The following ZSWIM6 variants were observed in gnomAD, a reference collection of about 807,000 sequenced individuals.
ZSWIM6 encodes zinc finger SWIM-type containing 6, also known as zinc finger SWIM domain-containing protein 6.
Under a neutral mutation model 113.2 loss-of-function variants are expected in ZSWIM6, and 9 were observed. The observed-to-expected ratio is 0.08, with a 90% CI of 0.05 to 0.14. The LOEUF is 0.14. ZSWIM6 is among the 10% of genes least tolerant of loss of function. The pLI is 1.00. For synonymous variants in ZSWIM6, 611 were observed against 606.5 expected (o/e 1.01, Z -0.11); for missense variants, 1,162 against 1,552.2 (o/e 0.75, Z 4.22).
chr5:61,478,280 A>G (rs1375644649), intron 2 of ZSWIM6, among the ~76,000 whole-genome samples: 1 of 152,176 alleles, frequency 6.6e-6, no homozygotes, highest in African/African-American at 2.4e-5. Flanking sequence ...ATAAAAGAAG[A>G]ATTCATGTAG....
At chr5:61,415,571 G>C (rs185714053) in intron 1 of ZSWIM6, among the ~76,000 whole-genome samples, 1 of 149,268 alleles carries the variant, frequency 6.7e-6, no homozygotes, top group Non-Finnish European at 1.5e-5. Context: ...CAGCCTGGGC[G>C]ACAGAGTGAG....
chr5:61,364,785 A>G (rs956453514), intron 1 of ZSWIM6, among the ~76,000 whole-genome samples: 2 of 152,130 alleles, frequency 1.3e-5, no homozygotes, highest in African/African-American at 4.8e-5. Context: ...AAGGACACTA[A>G]TCCCATTCAT....
intron 4 of ZSWIM6, among the ~76,000 whole-genome samples, chr5:61,500,330 G>A (rs1382245036): frequency 6.6e-6 from 1 of 151,868 alleles, no homozygotes; most frequent in South Asian, 2.1e-4. Flanking sequence ...GTTTCACTAC[G>A]TTAACCAGGC....
chr5:61,357,300 G>A (rs1245944581), intron 1 of ZSWIM6, among the ~76,000 whole-genome samples: 1 of 152,118 alleles, frequency 6.6e-6, no homozygotes, highest in Non-Finnish European at 1.5e-5. Flanking sequence ...AATGATGAGG[G>A]CTTTTAAAGC....
At chr5:61,461,732 G>T (rs1408211698) in intron 1 of ZSWIM6, among the ~76,000 whole-genome samples, 1 of 152,102 alleles carries the variant, frequency 6.6e-6, no homozygotes, top group Non-Finnish European at 1.5e-5. Context: ...AACAGTGAAA[G>T]CAGTTTTTTT....
At chr5:61,400,638 G>A (rs1009055407) in intron 1 of ZSWIM6, among the ~76,000 whole-genome samples, 1 of 152,180 alleles carries the variant, frequency 6.6e-6, no homozygotes, top group Non-Finnish European at 1.5e-5. Context: ...CCTTGGCAGT[G>A]CTTTATATTT....
chr5:61,419,411 A>T (rs1309185869), intron 1 of ZSWIM6, among the ~76,000 whole-genome samples: 1 of 152,126 alleles, frequency 6.6e-6, no homozygotes, highest in Admixed American at 6.5e-5. Flanking sequence ...GCTCACTATT[A>T]AGTTGATTTT....
intron 4 of ZSWIM6, among the ~76,000 whole-genome samples, chr5:61,502,043 G>T (rs1392077030): frequency 6.6e-6 from 1 of 152,150 alleles, no homozygotes; most frequent in African/African-American, 2.4e-5. Flanking sequence ...TAGGGTGGAG[G>T]GGGAGAGCGA....
At chr5:61,477,662 C>T (rs1392574514) in intron 2 of ZSWIM6, among the ~76,000 whole-genome samples, 1 of 152,180 alleles carries the variant, frequency 6.6e-6, no homozygotes, top group East Asian at 1.9e-4. Context: ...GTATATCAGT[C>T]TATTCAGACT....
At chr5:61,484,907 C>G (rs1672681253) in intron 2 of ZSWIM6, among the ~76,000 whole-genome samples, 1 of 152,110 alleles carries the variant, frequency 6.6e-6, no homozygotes, top group Non-Finnish European at 1.5e-5. Flanking sequence ...CAAGTCATAA[C>G]CAACTTGGAA....
At chr5:61,513,640 G>A (rs987851046) in intron 4 of ZSWIM6, among the ~76,000 whole-genome samples, 1 of 151,778 alleles carries the variant, frequency 6.6e-6, no homozygotes, top group African/African-American at 2.4e-5. Context: ...TCCACTTTGA[G>A]TTTTTTTATA....
intron 5 of ZSWIM6, among the ~76,000 whole-genome samples, chr5:61,524,226 G>A (rs894739690): frequency 3.3e-5 from 5 of 152,050 alleles, no homozygotes; most frequent in Non-Finnish European, 5.9e-5. Flanking sequence ...ATTCTGCTCA[G>A]CAAAAAGCCC....
rs1048857987 is a variant in ZSWIM6, at chr5:61,531,683, C to A, written c.2203C>A (p.Leu735Met). Reference protein sequence around the residue: ...KLQEIELDDTLVKIFRKQAVF... With the variant: ...KLQEIELDDTMVKIFRKQAVF... ...TCAGGAAATTGAATTGGATGACACA[C>A]TGGTGAAAATTTTTCGCAAGCAAGC... The change falls in exon 9 of 14, where the codon CTG (leucine) becomes ATG (methionine). Residue 735 changes from leucine (L) to methionine (M), a missense_variant. Coordinates refer to ENST00000252744, the MANE Select transcript of ZSWIM6 (RefSeq NM_020928.2). The A allele has an allele frequency of 9.0e-6, 14 of 1,551,584 alleles. No individual in the cohort carries two copies. The Admixed American group carries it at 2.5e-4, about 28-fold the overall frequency.
At chr5:61,487,241 A>T (rs980391570) in intron 2 of ZSWIM6, among the ~76,000 whole-genome samples, 1 of 151,944 alleles carries the variant, frequency 6.6e-6, no homozygotes, top group African/African-American at 2.4e-5. Flanking sequence ...GTTATGTTTC[A>T]TTGGTCTATG....
At chr5:61,461,854 T>C (rs1207566231) in intron 1 of ZSWIM6, among the ~76,000 whole-genome samples, 2 of 152,108 alleles carry the variant, frequency 1.3e-5, no homozygotes, top group East Asian at 1.9e-4. Flanking sequence ...CTCCAAGATA[T>C]GGGTGGTAAT....
At chr5:61,389,913 A>T (rs1745669421) in intron 1 of ZSWIM6, among the ~76,000 whole-genome samples, 1 of 152,252 alleles carries the variant, frequency 6.6e-6, no homozygotes, top group South Asian at 2.1e-4. Flanking sequence ...GAATAAAAAA[A>T]GCAGGTTCTC....
intron 1 of ZSWIM6, among the ~76,000 whole-genome samples, chr5:61,433,953 T>C (rs1746640850): frequency 6.7e-6 from 1 of 149,454 alleles, no homozygotes. Flanking sequence ...TCACATAACA[T>C]GCATACATGG....
In ZSWIM6 at chr5:61,440,121, G is replaced by GA. The variant is rs572577372; in HGVS notation, c.677-32551dup. 7.7e-4 allele frequency among the ~76,000 whole-genome samples: 115 copies of GA among 149,654 alleles called. 1 individual carries two copies. In the Middle Eastern group the frequency reaches 0.031, roughly 40 times the overall value. On this transcript the variant is annotated intron_variant, in intron 1 of 13. Coordinates refer to ENST00000252744, the MANE Select transcript of ZSWIM6 (RefSeq NM_020928.2). ...TTGTTTAGTGCTAGGTAGGAAAGGT[G>GA]AAAAAAAAAGCGCGAGAGTATATTA...
chr5:61,435,635 T>C (rs1196780403), intron 1 of ZSWIM6, among the ~76,000 whole-genome samples: 1 of 152,268 alleles, frequency 6.6e-6, no homozygotes, highest in African/African-American at 2.4e-5. Context: ...GATGTGGTTT[T>C]GCTTTAAATC....
Sources: allele counts gnomAD v4.1 joint callset (sites outside exome capture counted in the v4.1 genomes callset), GRCh38; gene constraint gnomAD v4.1.1; transcripts MANE v1.5; gene names NCBI Gene and HGNC (gene_info 2026-07-23, HGNC 2026-07-21).